BRMS1L: variants seen among roughly 807,000 people sequenced by gnomAD.
BRMS1L encodes breast cancer metastasis-suppressor 1-like protein.
In BRMS1L, 23 loss-of-function variants were observed where a neutral mutation model predicts 50.3. The ratio of observed to expected loss-of-function variants is 0.46; its 90% CI spans 0.33 to 0.65. The LOEUF is 0.65. Among genes scored for constraint, BRMS1L ranks in the 30% least tolerant of loss-of-function variants. The probability of loss-of-function intolerance (pLI) is 0.02; values close to 1 mark genes in which losing one functional copy is unlikely to be tolerated. For missense variants in BRMS1L, 286 were observed against 386.1 expected (o/e 0.74, Z 2.17); for synonymous variants, 114 against 126.9 (o/e 0.90, Z 0.69).
chr14:35,848,346 GTTT>G (rs550810170), intron 4 of BRMS1L, among the ~76,000 whole-genome samples: 1 of 151,718 alleles, frequency 6.6e-6, no homozygotes, highest in Non-Finnish European at 1.5e-5. Flanking sequence ...ATTATTATTA[GTTT>G]TTTTTATTTT....
Position 35,865,771 on chromosome 14 carries a change from T to G in BRMS1L, c.727+10T>G, listed in dbSNP as rs1594349874. Reference sequence around the variant, plus strand: ...AGAGTGAAAACGGAACGTAAGTCATTTAGTCTGAGTTGGGAAATATTCTCT... The same window carrying G: ...AGAGTGAAAACGGAACGTAAGTCATGTAGTCTGAGTTGGGAAATATTCTCT... On this transcript the variant is annotated intron_variant, in intron 8 of 9. Coordinates refer to ENST00000216807, the MANE Select transcript of BRMS1L (RefSeq NM_032352.4). 1.9e-6 allele frequency: 3 copies of G among 1,604,140 alleles called. No homozygotes were observed. In the East Asian group the frequency reaches 6.7e-5, roughly 36 times the overall value.
chr14:35,826,548 A>C lies in BRMS1L; in HGVS notation c.32A>C (p.Glu11Ala), dbSNP rs1205323631. MPVHSRGDKK[E>A]TNHHDEMEVD... ...GTCCATTCCCGAGGGGATAAGAAGG[A>C]GACCAACCATCACGATGAGATGGAG... The change falls in exon 1 of 10, where the codon GAG (glutamate) becomes GCG (alanine). Residue 11 changes from glutamate (E) to alanine (A), a missense_variant. By Grantham distance (107) the Glu-to-Ala change is moderately radical (BLOSUM62 -1). Coordinates refer to ENST00000216807, the MANE Select transcript of BRMS1L (RefSeq NM_032352.4). The C allele has an allele frequency of 5.0e-6, 8 of 1,601,512 alleles. No homozygotes were observed. Among genetic ancestry groups the C allele is most frequent in the Non-Finnish European group, 6.0e-6 (7 of 1,175,022 alleles).
chr14:35,858,202 G>A (rs1287148031), intron 4 of BRMS1L, among the ~76,000 whole-genome samples: 1 of 152,070 alleles, frequency 6.6e-6, no homozygotes. Context: ...AAGTCCTAAC[G>A]CTGTTTTCTC....
At chr14:35,843,372 G>C (rs2078091207) in intron 4 of BRMS1L, among the ~76,000 whole-genome samples, 1 of 152,118 alleles carries the variant, frequency 6.6e-6, no homozygotes, top group Non-Finnish European at 1.5e-5. Context: ...CTCTGTGGAG[G>C]TCCTTTTTGT....
At chr14:35,833,712 A>C (rs188909493) in intron 3 of BRMS1L, among the ~76,000 whole-genome samples, 3,380 of 152,236 alleles carry the variant, frequency 0.022, 131 homozygotes, top group South Asian at 0.14. Flanking sequence ...CTCATAATCA[A>C]GGGATATATA....
intron 4 of BRMS1L, among the ~76,000 whole-genome samples, chr14:35,836,126 G>A (rs1462588907): frequency 2.0e-5 from 3 of 152,010 alleles, no homozygotes; most frequent in Non-Finnish European, 4.4e-5. Context: ...GTGCCTATTT[G>A]TATTTCTTGC....
chr14:35,864,366 A>T (rs894463662), intron 6 of BRMS1L, among the ~76,000 whole-genome samples: 1 of 151,864 alleles, frequency 6.6e-6, no homozygotes, highest in African/African-American at 2.4e-5. Context: ...GGCTCAGGTG[A>T]TCCTCCCACC....
At chr14:35,860,675 T>G (rs1458333921) in intron 4 of BRMS1L, among the ~76,000 whole-genome samples, 1 of 151,896 alleles carries the variant, frequency 6.6e-6, no homozygotes. Flanking sequence ...TGATAGAAGT[T>G]GAGAATTGTG....
At chr14:35,853,393 T>C (rs1167030315) in intron 4 of BRMS1L, among the ~76,000 whole-genome samples, 1 of 151,706 alleles carries the variant, frequency 6.6e-6, no homozygotes, top group Non-Finnish European at 1.5e-5. Flanking sequence ...ACTTTGATGA[T>C]GATGTTAATG....
At chr14:35,860,486 A>G (rs1388592450) in intron 4 of BRMS1L, among the ~76,000 whole-genome samples, 1 of 152,030 alleles carries the variant, frequency 6.6e-6, no homozygotes, top group Non-Finnish European at 1.5e-5. Flanking sequence ...CAGATGATTT[A>G]AAAAGTCACC....
intron 4 of BRMS1L, among the ~76,000 whole-genome samples, chr14:35,860,002 T>C (rs1336047169): frequency 6.6e-6 from 1 of 152,218 alleles, no homozygotes; most frequent in Non-Finnish European, 1.5e-5. Flanking sequence ...GGAAATTTCT[T>C]ATATATTGTT....
At position 35,868,038 on chromosome 14, in the gene BRMS1L, A is replaced by T; in HGVS notation, c.854+6A>T. ...AAAGATGAATGTCCTACAAGGTAAAAAAGCCTTTGTTATTTCAGTGTTGCT... is the reference window on the plus strand; with the variant it reads ...AAAGATGAATGTCCTACAAGGTAAATAAGCCTTTGTTATTTCAGTGTTGCT... On this transcript the variant is annotated splice_donor_region_variant and intron_variant, in intron 9 of 9. Transcript: ENST00000216807. The T allele has an allele frequency of 6.3e-7, 1 of 1,583,886 alleles. No individual in the cohort carries two copies. Among genetic ancestry groups the T allele is most frequent in the Non-Finnish European group, 8.5e-7 (1 of 1,171,194 alleles).
chr14:35,826,454 T>G lies in BRMS1L; in HGVS notation c.-63T>G. ...GTGGGTTGGGGCGTTCCGCGCGCCCTTCATTGAAGCGGCGGTGGCCGGGCT... is the reference window on the plus strand; with the variant it reads ...GTGGGTTGGGGCGTTCCGCGCGCCCGTCATTGAAGCGGCGGTGGCCGGGCT... On this transcript the variant is annotated 5_prime_UTR_variant, in exon 1 of 10. Coordinates refer to ENST00000216807, the MANE Select transcript of BRMS1L (RefSeq NM_032352.4). 1 of 1,548,510 alleles carries G rather than the reference T, an allele frequency of 6.5e-7. No individual in the cohort carries two copies. Among genetic ancestry groups the G allele is most frequent in the Non-Finnish European group, 8.7e-7 (1 of 1,146,844 alleles).
intron 4 of BRMS1L, among the ~76,000 whole-genome samples, chr14:35,835,179 C>T (rs985667232): frequency 2.0e-5 from 3 of 151,962 alleles, no homozygotes; most frequent in African/African-American, 2.4e-5. Context: ...GACTTTGCAA[C>T]GATTATGTCA....
At chr14:35,829,241 C>T (rs1299639772) in intron 1 of BRMS1L, among the ~76,000 whole-genome samples, 2 of 152,192 alleles carry the variant, frequency 1.3e-5, no homozygotes, top group East Asian at 3.8e-4. Context: ...TGCACCTGGC[C>T]TGTTGGTGAA....
At chr14:35,846,927 C>G (rs1205942116) in intron 4 of BRMS1L, among the ~76,000 whole-genome samples, 1 of 151,900 alleles carries the variant, frequency 6.6e-6, no homozygotes, top group Non-Finnish European at 1.5e-5. Context: ...GGAAACATGT[C>G]AGAATTTCTG....
At chr14:35,866,872 C>T (rs1005559436) in intron 8 of BRMS1L, among the ~76,000 whole-genome samples, 1 of 152,112 alleles carries the variant, frequency 6.6e-6, no homozygotes, top group Non-Finnish European at 1.5e-5. Flanking sequence ...TTGAGAATCT[C>T]ATTATCATAG....
chr14:35,865,304 C>T (rs1291460245), intron 7 of BRMS1L, among the ~76,000 whole-genome samples: 1 of 152,146 alleles, frequency 6.6e-6, no homozygotes, highest in Non-Finnish European at 1.5e-5. Context: ...GTGCCTAGTC[C>T]TTTGGCTGGT....
At chr14:35,829,914 A>T in intron 1 of BRMS1L, 1 of 1,026,820 alleles carries the variant, frequency 9.7e-7, no homozygotes, top group Non-Finnish European at 1.2e-6. Flanking sequence ...CCTGGTAATT[A>T]ACAGTTGCTT....
Sources: gnomAD v4.1 joint callset for allele counts (sites outside exome capture counted in the v4.1 genomes callset) on GRCh38, gnomAD v4.1.1 for gene constraint, MANE v1.5 for transcripts, NCBI Gene and HGNC (gene_info 2026-07-23, HGNC 2026-07-21) for gene names.